ARMC8: variants seen among roughly 807,000 people sequenced by gnomAD.
The protein encoded by ARMC8 is armadillo repeat-containing protein 8.
Under a neutral mutation model 99.3 loss-of-function variants are expected in ARMC8, and 20 were observed. The observed-to-expected ratio is 0.20, with a 90% CI of 0.14 to 0.29. ARMC8 has a LOEUF of 0.29. ARMC8 is among the 10% of genes least tolerant of loss of function. The probability of loss-of-function intolerance (pLI) is 1.00; values close to 1 mark genes in which losing one functional copy is unlikely to be tolerated. For missense variants in ARMC8, 569 were observed against 809.5 expected, an observed-to-expected ratio of 0.70 and a Z score of 3.60; for synonymous variants, 263 against 278.3, an observed-to-expected ratio of 0.95 and a Z score of 0.55.
intron 18 of ARMC8, among the ~76,000 whole-genome samples, chr3:138,280,956 GTTTC>G (rs1576987997): frequency 6.6e-6 from 1 of 152,102 alleles, no homozygotes; most frequent in Admixed American, 6.6e-5. Flanking sequence ...TTAGCCAACT[GTTTC>G]TTTAAGAGGC....
chr3:138,265,340 CT>C (rs1426384469), intron 14 of ARMC8, among the ~76,000 whole-genome samples: 2 of 152,190 alleles, frequency 1.3e-5, no homozygotes, highest in African/African-American at 4.8e-5. Context: ...ATGTTATCCC[CT>C]GATACACTAC....
chr3:138,212,901 T>C (rs752244273), intron 2 of ARMC8, among the ~76,000 whole-genome samples: 11 of 152,232 alleles, frequency 7.2e-5, no homozygotes, highest in Non-Finnish European at 1.5e-4. Flanking sequence ...ACAAAAATTG[T>C]AGCTTTGACT....
At chr3:138,231,810 C>T (rs1230680060) in intron 6 of ARMC8, among the ~76,000 whole-genome samples, 1 of 151,734 alleles carries the variant, frequency 6.6e-6, no homozygotes, top group East Asian at 1.9e-4. Context: ...ACCATGAGGA[C>T]TTAGGTGCTT....
In ARMC8 at chr3:138,190,738, G is replaced by C. The variant is rs116433661; in HGVS notation, c.45+3139G>C. Among the ~76,000 whole-genome samples the C allele has an allele frequency of 4.7e-3, 711 of 152,168 alleles. 4 individuals carry two copies. Among genetic ancestry groups the C allele is most frequent in the Non-Finnish European group, 8.0e-3 (543 of 68,016 alleles). ...TTTTAACTTTGTATATATATATTCT[G>C]TACATCTACTTTGAGCTTCTGCCAT... On this transcript the variant is annotated intron_variant, in intron 1 of 21. Coordinates refer to ENST00000469044, the MANE Select transcript of ARMC8 (RefSeq NM_001363941.2).
chr3:138,234,357 C>T (rs2108139278), intron 6 of ARMC8, among the ~76,000 whole-genome samples: 1 of 152,246 alleles, frequency 6.6e-6, no homozygotes, highest in East Asian at 1.9e-4. Context: ...TGATTCACCC[C>T]CGGCAGCCTC....
chr3:138,204,841 T>C (rs2044271903), intron 1 of ARMC8, among the ~76,000 whole-genome samples: 1 of 152,152 alleles, frequency 6.6e-6, no homozygotes, highest in African/African-American at 2.4e-5. Flanking sequence ...TTTCATTATA[T>C]GCTGACAACA....
chr3:138,242,234 T>A (rs997082057), intron 11 of ARMC8, among the ~76,000 whole-genome samples: 3 of 152,166 alleles, frequency 2.0e-5, no homozygotes, highest in Non-Finnish European at 4.4e-5. Context: ...CAACTAAACC[T>A]CAAAAGTAGT....
rs895746668 is a variant in ARMC8 at position 138,187,606 on chromosome 3, GAC to G, written c.45+8_45+9del. ...CCGCATGAGCGTCCTTTCGGTGAGT[GAC>G]CCGCCGCGGCCGCCCGCCCGCCCTC... On this transcript the variant is annotated splice_region_variant and intron_variant, in intron 1 of 21. Transcript: ENST00000469044. 1.3e-5 allele frequency: 20 copies of G among 1,535,442 alleles called. No individual in the cohort carries two copies. In the Admixed American group the frequency reaches 1.4e-4, roughly 11 times the overall value.
At chr3:138,246,250 A>T in intron 12 of ARMC8, 1 of 985,804 alleles carries the variant, frequency 1.0e-6, no homozygotes, top group Non-Finnish European at 1.2e-6. Context: ...CAAAAAGCAC[A>T]ACTAATAAAT....
rs763328613 is a variant in ARMC8 at position 138,276,376 on chromosome 3, CAT to C, written c.1725+1835_1725+1836del. On this transcript the variant is annotated intron_variant, in intron 18 of 21. Coordinates refer to ENST00000469044, the MANE Select transcript of ARMC8 (RefSeq NM_001363941.2). ...TGTCACCACAGACAAGATAGTAAAA[CAT>C]ATGTATCACTGCCCTTAAATTGGGA... 4.1e-4 allele frequency among the ~76,000 whole-genome samples: 62 copies of C among 152,310 alleles called. 1 individual carries two copies. Among genetic ancestry groups the C allele is most frequent in the Admixed American group, 1.3e-3 (20 of 15,298 alleles).
intron 15 of ARMC8, among the ~76,000 whole-genome samples, chr3:138,268,404 G>C (rs2048475683): frequency 1.3e-5 from 2 of 152,130 alleles, no homozygotes; most frequent in South Asian, 4.1e-4. Flanking sequence ...TGTAGACGGG[G>C]TCTTGGCCTG....
At chr3:138,278,790 C>T (rs2049570033) in intron 18 of ARMC8, among the ~76,000 whole-genome samples, 1 of 151,988 alleles carries the variant, frequency 6.6e-6, no homozygotes, top group Non-Finnish European at 1.5e-5. Context: ...AGATTTATTC[C>T]TATTTCATAT....
At chr3:138,291,351 C>T (rs542850814) in intron 21 of ARMC8, among the ~76,000 whole-genome samples, 2 of 152,330 alleles carry the variant, frequency 1.3e-5, no homozygotes, top group South Asian at 2.1e-4. Flanking sequence ...CATACCTGTC[C>T]GCTTACAGTA....
intron 1 of ARMC8, chr3:138,188,306 G>A: frequency 9.1e-7 from 1 of 1,098,998 alleles, no homozygotes; most frequent in African/African-American, 1.6e-5. Flanking sequence ...TTGAAGGGGG[G>A]AAAAGGGGGT....
intron 11 of ARMC8, among the ~76,000 whole-genome samples, chr3:138,243,645 A>G (rs1559980492): frequency 6.6e-6 from 1 of 152,146 alleles, no homozygotes; most frequent in Middle Eastern, 3.2e-3. Context: ...TTATATATAT[A>G]TGTAAAATAT....
intron 14 of ARMC8, among the ~76,000 whole-genome samples, chr3:138,264,418 T>C (rs575446477): frequency 2.0e-4 from 27 of 133,772 alleles, no homozygotes; most frequent in East Asian, 4.3e-4. Context: ...CTTTCTTTTT[T>C]TTTTTTTTTT....
intron 12 of ARMC8, chr3:138,245,566 A>G (rs2046843399): frequency 1.9e-6 from 2 of 1,061,352 alleles, no homozygotes; most frequent in African/African-American, 1.7e-5. Flanking sequence ...TTCCAATGCT[A>G]TTGAGAAATT....
chr3:138,289,337 C>A (rs925457579), intron 20 of ARMC8, among the ~76,000 whole-genome samples: 2 of 152,230 alleles, frequency 1.3e-5, no homozygotes, highest in South Asian at 2.1e-4. Context: ...CAACTCTATA[C>A]CAGATTCAAG....
At chr3:138,194,344 T>TCA (rs2043578880) in intron 1 of ARMC8, among the ~76,000 whole-genome samples, 1 of 141,154 alleles carries the variant, frequency 7.1e-6, no homozygotes, top group Non-Finnish European at 1.5e-5. Flanking sequence ...CGCCCAGCTT[T>TCA]TTTTTTTTTT....
Sources: gnomAD v4.1 joint callset for allele counts (sites outside exome capture counted in the v4.1 genomes callset) on GRCh38, gnomAD v4.1.1 for gene constraint, MANE v1.5 for transcripts, NCBI Gene and HGNC (gene_info 2026-07-23, HGNC 2026-07-21) for gene names.